The following GPATCH1 variants were observed in gnomAD, a reference collection of about 807,000 sequenced individuals.
GPATCH1 encodes G patch domain-containing protein 1.
In GPATCH1, 73 loss-of-function variants were observed where a neutral mutation model predicts 114.9. That is an observed-to-expected ratio of 0.64 (90% CI 0.53 to 0.77). GPATCH1 has a LOEUF of 0.77. Ranked by LOEUF, GPATCH1 falls within the 30% of genes least tolerant of loss-of-function variation. GPATCH1 has a pLI of 0.00. For synonymous variants in GPATCH1, 391 were observed against 428.4 expected (o/e 0.91, Z 1.08); for missense variants, 1,058 against 1,144.3 (o/e 0.92, Z 1.09).
chr19:33,089,094 T>C (rs1014270641), intron 2 of GPATCH1, among the ~76,000 whole-genome samples: 3 of 152,252 alleles, frequency 2.0e-5, no homozygotes, highest in Non-Finnish European at 4.4e-5. Context: ...GCATACCTCC[T>C]AATCAGATGA....
chr19:33,099,324 A>G (rs935867571), intron 8 of GPATCH1, among the ~76,000 whole-genome samples: 5 of 151,798 alleles, frequency 3.3e-5, no homozygotes, highest in Non-Finnish European at 5.9e-5. Flanking sequence ...ATCCTTTAAT[A>G]ATTAATGATA....
intron 5 of GPATCH1, 138 bp from the exon 6 acceptor site, chr19:33,095,624 A>G (rs1972648374): frequency 4.5e-6 from 3 of 670,480 alleles, no homozygotes; most frequent in South Asian, 3.4e-5. Context: ...CTGGTCTTGA[A>G]CTCCTGGGCT....
intron 1 of GPATCH1, among the ~76,000 whole-genome samples, chr19:33,083,764 A>G (rs995591904): frequency 6.6e-6 from 1 of 152,186 alleles, no homozygotes; most frequent in Non-Finnish European, 1.5e-5. Context: ...GACTAAAAAC[A>G]TTCTTTAACT....
intron 1 of GPATCH1, among the ~76,000 whole-genome samples, chr19:33,086,555 T>C (rs1972536246): frequency 6.6e-6 from 1 of 152,050 alleles, no homozygotes; most frequent in South Asian, 2.1e-4. Flanking sequence ...AACCTCCTCC[T>C]CCTAGGTTCA....
At chr19:33,083,129 A>AGGGAG (rs1972497481) in intron 1 of GPATCH1, among the ~76,000 whole-genome samples, 2 of 150,416 alleles carry the variant, frequency 1.3e-5, no homozygotes, top group Non-Finnish European at 3.0e-5. Context: ...ATGTAGTCCC[A>AGGGAG]GCTACTCGGG....
intron 11 of GPATCH1, among the ~76,000 whole-genome samples, chr19:33,110,864 G>A (rs1242974060): frequency 6.6e-6 from 1 of 151,418 alleles, no homozygotes; most frequent in Non-Finnish European, 1.5e-5. Context: ...GCTCATGCCT[G>A]TAATCCAAGT....
Position 33,111,404 on chromosome 19 carries a change from AAAG to A in GPATCH1, c.1586-318_1586-316del, listed in dbSNP as rs1972851613. On this transcript the variant is annotated intron_variant, in intron 11 of 19. Coordinates refer to ENST00000170564, the MANE Select transcript of GPATCH1 (RefSeq NM_018025.3). ...ATCTCAGAAAAAAAAAAAAAAAAAA[AAAG>A]AGAGATGGGGTTTCACCATGTTTGC... Among the ~76,000 whole-genome samples the A allele has an allele frequency of 2.6e-5, 4 of 150,962 alleles. No homozygotes were observed. In the South Asian group the frequency reaches 8.4e-4, roughly 32 times the overall value.
chr19:33,090,357 A>G (rs531097333), intron 2 of GPATCH1, among the ~76,000 whole-genome samples: 1 of 152,226 alleles, frequency 6.6e-6, no homozygotes, highest in African/African-American at 2.4e-5. Flanking sequence ...CCTTGACATC[A>G]TATCTTTACA....
chr19:33,113,599 G>C (rs1972881912), intron 13 of GPATCH1, 168 bp from the exon 14 acceptor site: 1 of 569,068 alleles, frequency 1.8e-6, no homozygotes, highest in East Asian at 3.0e-5. Context: ...AATCTCATGG[G>C]ACCTAAAATC....
At chr19:33,129,875 C>T (rs966160813) in intron 19 of GPATCH1, among the ~76,000 whole-genome samples, 4 of 147,556 alleles carry the variant, frequency 2.7e-5, no homozygotes, top group South Asian at 2.1e-4. Flanking sequence ...ACCTGGGAGG[C>T]GGAGGTTGCA....
chr19:33,116,664 G>T (rs1972919164), intron 15 of GPATCH1, among the ~76,000 whole-genome samples: 1 of 152,124 alleles, frequency 6.6e-6, no homozygotes, highest in African/African-American at 2.4e-5. Context: ...CGAGTAGCTG[G>T]GACTACAGGC....
rs1973092361 is a variant in GPATCH1 at position 33,130,386 on chromosome 19, T to G, written c.*226T>G. 2.5e-6 allele frequency: 1 copy of G among 405,822 alleles called. No homozygotes were observed. 25.1% of individuals were successfully genotyped at this position (405,822 alleles called of 1,614,324 possible). A position where few individuals can be genotyped will look rare whatever the true frequency, so the allele number is the denominator to read the frequency against. On this transcript the variant is annotated 3_prime_UTR_variant, in exon 20 of 20. Transcript: ENST00000170564. ...GGAAAAAAATCCAGACTGAACAGTTTAATTAAAGTGGAATTTTTCTATTTT... is the reference window on the plus strand; with the variant it reads ...GGAAAAAAATCCAGACTGAACAGTTGAATTAAAGTGGAATTTTTCTATTTT...
At chr19:33,105,342 G>T (rs978653548) in intron 9 of GPATCH1, among the ~76,000 whole-genome samples, 3 of 141,694 alleles carry the variant, frequency 2.1e-5, no homozygotes, top group Non-Finnish European at 4.5e-5. Context: ...TGAGGCAGGA[G>T]AATTGCATAC....
intron 19 of GPATCH1, among the ~76,000 whole-genome samples, chr19:33,127,089 C>T (rs777729887): frequency 3.3e-5 from 5 of 151,460 alleles, no homozygotes; most frequent in South Asian, 4.2e-4. Context: ...GAGCCACTAT[C>T]GTACCACTAC....
intron 1 of GPATCH1, among the ~76,000 whole-genome samples, chr19:33,087,335 T>C (rs570502589): frequency 9.5e-4 from 144 of 152,350 alleles, no homozygotes; most frequent in African/African-American, 3.2e-3. Flanking sequence ...TGTGCCATAG[T>C]ACCTGGGAGT....
chr19:33,098,465 T>C (rs1341578421), intron 8 of GPATCH1, among the ~76,000 whole-genome samples: 1 of 152,188 alleles, frequency 6.6e-6, no homozygotes, highest in African/African-American at 2.4e-5. Flanking sequence ...ATCCTGTGGT[T>C]TGAAGTCACA....
chr19:33,093,268 A>G lies in GPATCH1; in HGVS notation c.295-91A>G, dbSNP rs965843395. On this transcript the variant is annotated intron_variant, in intron 3 of 19. Coordinates refer to ENST00000170564, the MANE Select transcript of GPATCH1 (RefSeq NM_018025.3). ...ATCCAGAACTAAATTTTGTAGTTTT[A>G]ACTTTTTTTTTTTAACAGAAATAAA... 1.3e-5 allele frequency: 10 copies of G among 794,840 alleles called. 1 individual carries two copies. Among genetic ancestry groups the G allele is most frequent in the Non-Finnish European group, 1.3e-5 (7 of 528,326 alleles). 49.2% of individuals were successfully genotyped at this position (794,840 alleles called of 1,614,324 possible). A position where few individuals can be genotyped will look rare whatever the true frequency, so the allele number is the denominator to read the frequency against.
chr19:33,110,166 C>T, intron 11 of GPATCH1, 150 bp downstream of exon 11: 1 of 659,810 alleles, frequency 1.5e-6, no homozygotes. Context: ...AGGTTTCAGG[C>T]CTTGGCTCTT....
At chr19:33,097,360 C>T (rs7256513) in intron 7 of GPATCH1, among the ~76,000 whole-genome samples, 34,490 of 152,176 alleles carry the variant, frequency 0.23, 6,202 homozygotes, top group African/African-American at 0.49. Context: ...AGAGTAGCAG[C>T]GGCCCTTAGA....
Sources: gnomAD v4.1 joint callset for allele counts (sites outside exome capture counted in the v4.1 genomes callset) on GRCh38, gnomAD v4.1.1 for gene constraint, MANE v1.5 for transcripts, NCBI Gene and HGNC (gene_info 2026-07-23, HGNC 2026-07-21) for gene names.